FHIT: variants seen among roughly 807,000 people sequenced by gnomAD.
FHIT encodes the protein bis(5'-adenosyl)-triphosphatase.
Under a neutral mutation model 17.9 loss-of-function variants are expected in FHIT, and 19 were observed. The ratio of observed to expected loss-of-function variants is 1.06; its 90% CI spans 0.74 to 1.56. FHIT has a LOEUF of 1.56. FHIT is among the 40% of genes most tolerant of loss of function. The pLI is 0.00. For missense variants in FHIT, 248 were observed against 189.2 expected (o/e 1.31, Z -1.82); for synonymous variants, 81 against 69.7 (o/e 1.16, Z -0.81).
chr3:60,488,591 G>T (rs971039704), intron 5 of FHIT, among the ~76,000 whole-genome samples: 3 of 152,122 alleles, frequency 2.0e-5, no homozygotes, highest in Non-Finnish European at 4.4e-5. Flanking sequence ...GCCTATGACA[G>T]CAGGGTAGGG....
chr3:59,934,390 C>G (rs1247382431), intron 7 of FHIT, among the ~76,000 whole-genome samples: 1 of 152,072 alleles, frequency 6.6e-6, no homozygotes, highest in East Asian at 1.9e-4. Flanking sequence ...CCCTGCTATT[C>G]AACCTTATGA....
intron 5 of FHIT, among the ~76,000 whole-genome samples, chr3:60,173,407 T>A (rs1468337332): frequency 2.0e-5 from 3 of 152,180 alleles, no homozygotes; most frequent in African/African-American, 4.8e-5. Context: ...GTAAAGTGAA[T>A]GTTCATCCAT....
intron 8 of FHIT, among the ~76,000 whole-genome samples, chr3:59,904,917 G>A (rs1704516607): frequency 6.6e-6 from 1 of 152,184 alleles, no homozygotes; most frequent in Non-Finnish European, 1.5e-5. Context: ...CCACTCAAAG[G>A]TGGGCACAAC....
intron 4 of FHIT, among the ~76,000 whole-genome samples, chr3:60,651,704 T>C (rs1398018963): frequency 6.6e-6 from 1 of 152,190 alleles, no homozygotes; most frequent in Non-Finnish European, 1.5e-5. Flanking sequence ...GTATAAGCTC[T>C]ATCTAATTAA....
intron 4 of FHIT, among the ~76,000 whole-genome samples, chr3:60,541,453 T>C (rs538955913): frequency 1.3e-5 from 2 of 152,162 alleles, no homozygotes; most frequent in Non-Finnish European, 2.9e-5. Flanking sequence ...ACTTTGATTT[T>C]TTGCTTTTAG....
chr3:60,294,113 G>A (rs1708102022), intron 5 of FHIT, among the ~76,000 whole-genome samples: 1 of 152,080 alleles, frequency 6.6e-6, no homozygotes, highest in African/African-American at 2.4e-5. Context: ...GGTCGAAGAG[G>A]GAATCTACAG....
In FHIT at chr3:60,680,645, T is replaced by C. The variant is rs998736549; in HGVS notation, c.-18+141274A>G. ...GCAAAACTTTCAATAAAAGGAAATA[T>C]AGGAAAATCATCAAGATATTTTCAA... On this transcript the variant is annotated intron_variant, in intron 4 of 9. Coordinates refer to ENST00000492590, the MANE Select transcript of FHIT (RefSeq NM_002012.4). Among the ~76,000 whole-genome samples the C allele has an allele frequency of 4.0e-5, 6 of 151,590 alleles. No homozygotes were observed. In the South Asian group the frequency reaches 1.0e-3, roughly 26 times the overall value.
chr3:60,106,204 T>C (rs562276276), intron 5 of FHIT, among the ~76,000 whole-genome samples: 1 of 152,314 alleles, frequency 6.6e-6, no homozygotes, highest in East Asian at 1.9e-4. Flanking sequence ...TTCTCTTACT[T>C]AACGATAGCC....
chr3:59,939,948 G>A (rs1031431722), intron 7 of FHIT, among the ~76,000 whole-genome samples: 1 of 152,138 alleles, frequency 6.6e-6, no homozygotes, highest in East Asian at 1.9e-4. Flanking sequence ...AGCAAGCATA[G>A]CTTTCACTTT....
chr3:61,157,993 T>C (rs2037580135), intron 2 of FHIT, among the ~76,000 whole-genome samples: 1 of 152,140 alleles, frequency 6.6e-6, no homozygotes, highest in South Asian at 2.1e-4. Flanking sequence ...GAAATAAATA[T>C]TATAAAATAA....
intron 4 of FHIT, among the ~76,000 whole-genome samples, chr3:60,554,893 G>A (rs558592106): frequency 5.9e-5 from 9 of 152,226 alleles, no homozygotes; most frequent in South Asian, 2.1e-4. Flanking sequence ...TTGCTAAAAC[G>A]GAGTATAAGG....
intron 5 of FHIT, among the ~76,000 whole-genome samples, chr3:60,039,634 A>G (rs373160516): frequency 3.3e-5 from 5 of 152,356 alleles, no homozygotes; most frequent in Admixed American, 6.5e-5. Context: ...TTATTTTTCT[A>G]TACTGTTATA....
At chr3:59,936,271 T>A (rs909067380) in intron 7 of FHIT, among the ~76,000 whole-genome samples, 1 of 152,100 alleles carries the variant, frequency 6.6e-6, no homozygotes, top group African/African-American at 2.4e-5. Context: ...AGAATATCTA[T>A]TTTTTTATTT....
intron 1 of FHIT, among the ~76,000 whole-genome samples, chr3:61,205,074 T>C (rs963404145): frequency 6.6e-6 from 1 of 151,096 alleles, no homozygotes; most frequent in Admixed American, 6.6e-5. Flanking sequence ...ATGCGCTGTT[T>C]GGTGTTTTGT....
At chr3:60,609,824 C>T (rs954289359) in intron 4 of FHIT, among the ~76,000 whole-genome samples, 4 of 152,080 alleles carry the variant, frequency 2.6e-5, no homozygotes, top group African/African-American at 7.2e-5. Flanking sequence ...TCTATCAATC[C>T]GGAGTTCCTG....
At chr3:60,066,293 C>T (rs144721802) in intron 5 of FHIT, among the ~76,000 whole-genome samples, 6 of 152,218 alleles carry the variant, frequency 3.9e-5, no homozygotes, top group East Asian at 1.9e-4. Context: ...CTTGATACTC[C>T]GAATGAATTT....
At chr3:60,840,935 A>G (rs1702706478) in intron 3 of FHIT, among the ~76,000 whole-genome samples, 2 of 152,230 alleles carry the variant, frequency 1.3e-5, no homozygotes, top group Non-Finnish European at 1.5e-5. Flanking sequence ...ATGAGTTAGT[A>G]TCATCTTATC....
chr3:59,867,604 C>G (rs1438838912), intron 8 of FHIT, among the ~76,000 whole-genome samples: 1 of 151,928 alleles, frequency 6.6e-6, no homozygotes, highest in Non-Finnish European at 1.5e-5. Context: ...CCTTTTTCTG[C>G]TTGTGTGATT....
intron 2 of FHIT, among the ~76,000 whole-genome samples, chr3:61,145,382 C>T (rs1283316678): frequency 6.6e-6 from 1 of 152,046 alleles, no homozygotes; most frequent in East Asian, 1.9e-4. Flanking sequence ...TATTGATCTA[C>T]CTTTTTTGTT....
Sources: gnomAD v4.1 joint callset for allele counts (sites outside exome capture counted in the v4.1 genomes callset) on GRCh38, gnomAD v4.1.1 for gene constraint, MANE v1.5 for transcripts, NCBI Gene and HGNC (gene_info 2026-07-23, HGNC 2026-07-21) for gene names.